Variants in RALY observed in about 807,000 individuals in gnomAD.
RALY encodes RALY heterogeneous nuclear ribonucleoprotein, also known as RNA-binding protein Raly.
In RALY, 15 loss-of-function variants were observed where a neutral mutation model predicts 30.7. That is an observed-to-expected ratio of 0.49 (90% confidence interval 0.33 to 0.75). The LOEUF (loss-of-function observed/expected upper bound fraction) is 0.75. RALY is among the 30% of genes least tolerant of loss of function. The probability of loss-of-function intolerance (pLI) is 0.02; values close to 1 mark genes in which losing one functional copy is unlikely to be tolerated. For synonymous variants in RALY, 177 were observed against 170.8 expected (o/e 1.04, Z -0.28); for missense variants, 339 against 414.3 (o/e 0.82, Z 1.58).
intron 1 of RALY, among the ~76,000 whole-genome samples, chr20:33,995,273 C>A (rs1046431003): frequency 4.6e-5 from 7 of 152,178 alleles, no homozygotes; most frequent in Non-Finnish European, 1.0e-4. Flanking sequence ...AGACACAACT[C>A]AAATTCCCTG....
At chr20:34,020,689 T>C (rs1274543992) in intron 1 of RALY, among the ~76,000 whole-genome samples, 1 of 152,228 alleles carries the variant, frequency 6.6e-6, no homozygotes, top group Non-Finnish European at 1.5e-5. Context: ...GCTTTTGCAC[T>C]ACAGTGGCAG....
intron 1 of RALY, among the ~76,000 whole-genome samples, chr20:34,010,778 G>A (rs1010304931): frequency 6.6e-6 from 1 of 152,194 alleles, no homozygotes; most frequent in African/African-American, 2.4e-5. Context: ...GCAACTGCCT[G>A]ATTAAACCTC....
intron 2 of RALY, among the ~76,000 whole-genome samples, chr20:34,050,898 T>A (rs2033056295): frequency 6.6e-6 from 1 of 152,136 alleles, no homozygotes; most frequent in South Asian, 2.1e-4. Flanking sequence ...CACTCCTGAC[T>A]CCTAAGAAGC....
chr20:34,053,927 AC>A (rs1241194533), intron 2 of RALY, among the ~76,000 whole-genome samples: 1 of 151,998 alleles, frequency 6.6e-6, no homozygotes, highest in East Asian at 1.9e-4. Context: ...TATACATACT[AC>A]CCACTACAGA....
At chr20:34,026,611 C>T (rs915175381) in intron 1 of RALY, among the ~76,000 whole-genome samples, 1 of 151,480 alleles carries the variant, frequency 6.6e-6, no homozygotes, top group Non-Finnish European at 1.5e-5. Context: ...GGGGTTTCAC[C>T]GTGTTAGCCA....
intron 9 of RALY, among the ~76,000 whole-genome samples, chr20:34,079,440 G>A (rs1221372760): frequency 6.6e-6 from 1 of 152,180 alleles, no homozygotes; most frequent in Non-Finnish European, 1.5e-5. Context: ...CCTTGGGGTG[G>A]CTTGGGTGGA....
At chr20:34,048,333 T>C (rs919836583) in intron 2 of RALY, among the ~76,000 whole-genome samples, 4 of 152,118 alleles carry the variant, frequency 2.6e-5, no homozygotes, top group African/African-American at 9.7e-5. Context: ...GTGTTGGGTC[T>C]CCTATGCTAT....
chr20:34,022,571 A>G (rs891106219), intron 1 of RALY, among the ~76,000 whole-genome samples: 22 of 152,158 alleles, frequency 1.4e-4, no homozygotes, highest in Admixed American at 1.3e-3. Context: ...TTTACCAAAC[A>G]GAAACTTTGT....
In RALY at chr20:34,023,490, T is replaced by A. The variant is rs761855765; in HGVS notation, c.-92-8032T>A. ...GGGTGGAGAGAGCAGCAAACCCAAG[T>A]GGACATCCAGGCTGGCAAGCAGTCT... On this transcript the variant is annotated intron_variant, in intron 1 of 9. Coordinates refer to ENST00000246194, the MANE Select transcript of RALY (RefSeq NM_016732.3). Among the ~76,000 whole-genome samples, 148 of 152,174 alleles carry A rather than the reference T, an allele frequency of 9.7e-4. 2 individuals are homozygous for A. Among genetic ancestry groups the A allele is most frequent in the Middle Eastern group, 6.8e-3 (2 of 294 alleles).
intron 3 of RALY, 46 bp from the exon 4 acceptor site, chr20:34,073,517 A>C: frequency 6.6e-7 from 1 of 1,507,964 alleles, no homozygotes; most frequent in Non-Finnish European, 9.2e-7. Context: ...GTGTGTGGGC[A>C]CACTGTCATG....
chr20:34,002,153 G>C (rs977806306), intron 1 of RALY, among the ~76,000 whole-genome samples: 2 of 152,156 alleles, frequency 1.3e-5, no homozygotes, highest in Non-Finnish European at 2.9e-5. Flanking sequence ...CTGAGGAATG[G>C]TGCTGCTGCC....
intron 8 of RALY, chr20:34,077,514 G>A (rs969634494): frequency 1.6e-6 from 1 of 618,620 alleles, no homozygotes; most frequent in Non-Finnish European, 2.7e-6. Flanking sequence ...ATGAGTTGGA[G>A]AATGGGAGAT....
intron 2 of RALY, among the ~76,000 whole-genome samples, chr20:34,055,070 A>C (rs1460272686): frequency 6.6e-6 from 1 of 152,190 alleles, no homozygotes; most frequent in Admixed American, 6.5e-5. Context: ...TTTACAAATG[A>C]GAAAACCAGG....
At chr20:34,022,587 C>T (rs912851652) in intron 1 of RALY, among the ~76,000 whole-genome samples, 1 of 152,176 alleles carries the variant, frequency 6.6e-6, no homozygotes, top group Non-Finnish European at 1.5e-5. Context: ...TTTGTAAGTG[C>T]CACTTGATGT....
chr20:34,052,264 T>C (rs1293456707), intron 2 of RALY, among the ~76,000 whole-genome samples: 1 of 152,244 alleles, frequency 6.6e-6, no homozygotes, highest in Non-Finnish European at 1.5e-5. Context: ...TTCCTCTTCT[T>C]ATTTAACCTT....
intron 1 of RALY, among the ~76,000 whole-genome samples, chr20:34,026,336 A>G (rs1319702461): frequency 6.6e-6 from 1 of 152,100 alleles, no homozygotes; most frequent in African/African-American, 2.4e-5. Flanking sequence ...CTGGTATCGG[A>G]AGGAAAAAGA....
At position 34,082,599 on chromosome 20, in the gene RALY, G is replaced by A. The variant is rs973794521; in HGVS notation, c.*2694G>A. ...TACTCACCTTGGCCCATAAGGCTTTGCCTGGTCATGCTGGCACCGGGTCAT... is the reference window on the plus strand; with the variant it reads ...TACTCACCTTGGCCCATAAGGCTTTACCTGGTCATGCTGGCACCGGGTCAT... On this transcript the variant is annotated 3_prime_UTR_variant, in exon 10 of 10. Transcript: ENST00000246194. 2.0e-5 allele frequency: 3 copies of A among 152,228 alleles called. No homozygotes were observed. Among genetic ancestry groups the A allele is most frequent in the Admixed American group, 1.3e-4 (2 of 15,278 alleles). The allele number at this position is 152,228 out of a possible 1,614,324, so 9.4% of individuals were successfully genotyped here. A position where few individuals can be genotyped will look rare whatever the true frequency, so the allele number is the denominator to read the frequency against.
intron 2 of RALY, among the ~76,000 whole-genome samples, chr20:34,061,636 C>G (rs2033420461): frequency 1.3e-5 from 2 of 152,110 alleles, no homozygotes; most frequent in South Asian, 4.1e-4. Flanking sequence ...TAATACCTGC[C>G]TCAGAGTACT....
chr20:34,004,386 A>G (rs540798106), intron 1 of RALY, among the ~76,000 whole-genome samples: 50 of 152,350 alleles, frequency 3.3e-4, no homozygotes, highest in African/African-American at 1.2e-3. Flanking sequence ...AGCAACACCC[A>G]GTTATCTTTT....
Sources: gnomAD v4.1 joint callset for allele counts (sites outside exome capture counted in the v4.1 genomes callset) on GRCh38, gnomAD v4.1.1 for gene constraint, MANE v1.5 for transcripts, NCBI Gene and HGNC (gene_info 2026-07-23, HGNC 2026-07-21) for gene names.